MFSD12: variants seen among roughly 807,000 people sequenced by gnomAD.
MFSD12 encodes major facilitator superfamily domain containing 12.
A neutral mutation model predicts 51.2 loss-of-function variants in MFSD12; 67 were observed. The ratio of observed to expected loss-of-function variants is 1.31; its 90% CI spans 1.08 to 1.60. MFSD12 has a LOEUF of 1.60. MFSD12 is among the 40% of genes most tolerant of loss of function. The probability of loss-of-function intolerance (pLI) is 0.00; values close to 1 mark genes in which losing one functional copy is unlikely to be tolerated. For missense variants in MFSD12, 921 were observed against 673.0 expected, an observed-to-expected ratio of 1.37 and a Z score of -4.08; for synonymous variants, 441 against 316.7, an observed-to-expected ratio of 1.39 and a Z score of -4.17.
At chr19:3,546,549 CCTGGCT>C (rs1599826685) in intron 6 of MFSD12, 124 bp from the exon 7 acceptor site, 3 of 1,190,088 alleles carry the variant, frequency 2.5e-6, no homozygotes, top group East Asian at 2.6e-5. Flanking sequence ...CCTAAGGAGC[CCTGGCT>C]CTGGCCCTGG....
rs1438135198 is a variant in MFSD12, at chr19:3,551,228, T to C, written c.299-34A>G. 2 of 1,518,754 alleles carry C rather than the reference T, an allele frequency of 1.3e-6. No homozygotes were observed. The highest frequency in any genetic ancestry group is 1.8e-6 in the Non-Finnish European group (2 of 1,123,194). The allele number at this position is 1,518,754 out of a possible 1,614,324, so 94.1% of individuals were successfully genotyped here. A position where few individuals can be genotyped will look rare whatever the true frequency, so the allele number is the denominator to read the frequency against. On this transcript the variant is annotated intron_variant, in intron 1 of 9. Transcript: ENST00000355415. The surrounding 1 kb of genome is among the most constrained non-coding windows in gnomAD (Gnocchi z 4.6). Reference sequence around the variant, plus strand: ...GGCAGAGTGGTCAGTCGCGGGGCTGTCCCGCACCAGCCAGGGCTCCCAGGG... The same window carrying C: ...GGCAGAGTGGTCAGTCGCGGGGCTGCCCCGCACCAGCCAGGGCTCCCAGGG...
chr19:3,542,123 TTTAA>T, downstream of MFSD12: 5 of 985,308 alleles, frequency 5.1e-6, no homozygotes, highest in Non-Finnish European at 6.0e-6. Context: ...TTTGTGCTGT[TTTAA>T]TTGTGTTTTA....
rs141151716 is a variant in MFSD12, at chr19:3,551,465, C to A, written c.299-271G>T. Among the ~76,000 whole-genome samples the A allele has an allele frequency of 3.1e-4, 47 of 152,280 alleles. No individual in the cohort carries two copies. Among genetic ancestry groups the A allele is most frequent in the Admixed American group, 2.5e-3 (39 of 15,308 alleles). ...GGGGGTCCCCCGGAAACCTGCCCCC[C>A]ACAGGTGCCCCGGTTACAGCCGCAG... On this transcript the variant is annotated intron_variant, in intron 1 of 9. Coordinates refer to ENST00000355415, the MANE Select transcript of MFSD12 (RefSeq NM_174983.5). The surrounding 1 kb of genome is among the most constrained non-coding windows in gnomAD (Gnocchi z 4.6).
At chr19:3,552,467 CTTTTTTTTTTT>C (rs397859575) in intron 1 of MFSD12, among the ~76,000 whole-genome samples, 11 of 65,222 alleles carry the variant, frequency 1.7e-4, no homozygotes, top group African/African-American at 3.1e-4. Flanking sequence ...CGCGCCCCGC[CTTTTTTTTTTT>C]TTTTTTTTTT....
chr19:3,551,329 G>A lies in MFSD12; in HGVS notation c.299-135C>T, dbSNP rs1568261072. ...CCCCCGCATGCACACAGTCACGCAGGAGCGAGGGTCTGCAGTCGGGGTCCC... is the reference window on the plus strand; with the variant it reads ...CCCCCGCATGCACACAGTCACGCAGAAGCGAGGGTCTGCAGTCGGGGTCCC... On this transcript the variant is annotated intron_variant, in intron 1 of 9. Transcript: ENST00000355415. The surrounding 1 kb of genome is among the most constrained non-coding windows in gnomAD (Gnocchi z 4.6). 1 of 696,664 alleles carries A rather than the reference G, an allele frequency of 1.4e-6. No individual in the cohort carries two copies. The allele number at this position is 696,664 out of a possible 1,614,324, so 43.2% of individuals were successfully genotyped here. A position where few individuals can be genotyped will look rare whatever the true frequency, so the allele number is the denominator to read the frequency against.
downstream of MFSD12, among the ~76,000 whole-genome samples, chr19:3,541,117 C>G (rs568644678): frequency 1.4e-5 from 2 of 139,344 alleles, no homozygotes; most frequent in Admixed American, 7.4e-5. Context: ...TGCAGTGAGC[C>G]GAGATCAGGC....
At chr19:3,554,341 G>A (rs1599841366) in intron 1 of MFSD12, among the ~76,000 whole-genome samples, 1 of 151,358 alleles carries the variant, frequency 6.6e-6, no homozygotes, top group Admixed American at 6.6e-5. Context: ...GGAGGCTGAC[G>A]CACGAGAATC....
At chr19:3,546,498 C>G in intron 6 of MFSD12, 73 bp from the exon 7 acceptor site, 1 of 1,495,336 alleles carries the variant, frequency 6.7e-7, no homozygotes, top group South Asian at 1.3e-5. Context: ...TCCGCCACCC[C>G]TACCCCCAAC....
chr19:3,553,287 T>C (rs1255544460), intron 1 of MFSD12, among the ~76,000 whole-genome samples: 1 of 152,052 alleles, frequency 6.6e-6, no homozygotes, highest in Non-Finnish European at 1.5e-5. Flanking sequence ...CAAGTGACTG[T>C]GCCTCTCTAG....
chr19:3,538,810 G>C (rs2030111957), intron 4 of MFSD12: 1 of 550,402 alleles, frequency 1.8e-6, no homozygotes, highest in Non-Finnish European at 3.6e-6. Context: ...GTGAGGAGCT[G>C]GGGTGACAGG....
At chr19:3,539,166 A>G in intron 4 of MFSD12, 1 of 1,543,972 alleles carries the variant, frequency 6.5e-7, no homozygotes, top group Non-Finnish European at 8.8e-7. Flanking sequence ...AGCCCGGGGG[A>G]TCCAGGCAGA....
chr19:3,538,949 G>T, intron 4 of MFSD12: 1 of 643,454 alleles, frequency 1.6e-6, no homozygotes, highest in Non-Finnish European at 2.8e-6. Flanking sequence ...TGGGGGCTCA[G>T]GGCCACGGAC....
downstream of MFSD12, among the ~76,000 whole-genome samples, chr19:3,540,488 C>A (rs2030293118): frequency 1.3e-5 from 2 of 151,300 alleles, no homozygotes; most frequent in East Asian, 2.0e-4. Context: ...GATCTCCTGA[C>A]CTCATGATCT....
At position 3,544,827 on chromosome 19, in the gene MFSD12, G is replaced by A. The variant is rs758577285; in HGVS notation, c.1402C>T (p.Pro468Ser). Residue 468 changes from proline to serine, a missense_variant, in exon 9 of 10, where the codon CCG (proline) becomes TCG (serine). Physicochemically the swap from Pro to Ser is moderately conservative, Grantham distance 74. Transcript: ENST00000355415. ...ALCLCSLLLW[P>S]TRLRRWDRDA... ...GACTCACAGCGTCGCAGGCGGGTCGGCCACAGCAGGAGGCTACAGAGACAC... is the reference window on the plus strand; with the variant it reads ...GACTCACAGCGTCGCAGGCGGGTCGACCACAGCAGGAGGCTACAGAGACAC... 1 of 1,612,418 alleles carries A rather than the reference G, an allele frequency of 6.2e-7. No homozygotes were observed. Among genetic ancestry groups the A allele is most frequent in the South Asian group, 1.1e-5 (1 of 91,032 alleles).
At chr19:3,546,755 G>A (rs372745137) in intron 6 of MFSD12, among the ~76,000 whole-genome samples, 13 of 152,338 alleles carry the variant, frequency 8.5e-5, no homozygotes, top group East Asian at 5.8e-4. Context: ...GACAGAAAGC[G>A]CCAGAGCTCC....
At chr19:3,547,016 C>T (rs1350648527) in intron 6 of MFSD12, among the ~76,000 whole-genome samples, 2 of 152,238 alleles carry the variant, frequency 1.3e-5, no homozygotes, top group Admixed American at 6.5e-5. Context: ...GTTTTTGTAT[C>T]TTTAGTAGAG....
chr19:3,551,023 A>G lies in MFSD12; in HGVS notation c.470T>C (p.Val157Ala), dbSNP rs749937948. ...CTCCACCTTCTCATGGTCGTTGGTG[A>G]CGAGCTCCGGGATGAGGCTGAGGTG... ...ISHLSLIPELVTNDHEKVELT... is the reference protein window; with the variant it reads ...ISHLSLIPELATNDHEKVELT... Residue 157 changes from valine to alanine, a missense_variant, in exon 2 of 10, where the codon GTC becomes GCC. Physicochemically the swap from Val to Ala is moderately conservative, Grantham distance 64. Transcript: ENST00000355415. This position sits in a 1 kb window ranked among gnomAD's most constrained non-coding sequence, Gnocchi z 4.6. The G allele has an allele frequency of 3.1e-6, 5 of 1,612,656 alleles. No homozygotes were observed. The highest frequency in any genetic ancestry group is 4.2e-6 in the Non-Finnish European group (5 of 1,179,986).
At position 3,551,060 on chromosome 19, in the gene MFSD12, T is replaced by C; in HGVS notation, c.433A>G (p.Thr145Ala). 1.2e-6 allele frequency: 2 copies of C among 1,612,866 alleles called. No homozygotes were observed. Among genetic ancestry groups the C allele is most frequent in the Non-Finnish European group, 1.7e-6 (2 of 1,179,948 alleles). ...IVIFQFGWAS[T>A]QISHLSLIPE... is the part of the protein sequence containing the mutation. ...ATGAGGCTGAGGTGGGAGATCTGTG[T>C]GGAGGCCCAGCCAAACTGGAAGATC... Residue 145 changes from threonine to alanine, a missense_variant, in exon 2 of 10, where the codon ACA becomes GCA. Coordinates refer to ENST00000355415, the MANE Select transcript of MFSD12 (RefSeq NM_174983.5). This position sits in a 1 kb window ranked among gnomAD's most constrained non-coding sequence, Gnocchi z 4.6.
Position 3,546,139 on chromosome 19 carries a change from C to T in MFSD12, c.1224G>A (p.Met408Ile), listed in dbSNP as rs199934761. 6.2e-7 allele frequency: 1 copy of T among 1,613,176 alleles called. No individual in the cohort carries two copies. The highest frequency in any genetic ancestry group is 8.5e-7 in the Non-Finnish European group (1 of 1,180,018). ...TNSGAFVYGS[M>I]SFLDKVANGL... ...CATTGGCCACCTTATCCAAGAAGCT[C>T]ATGGAGCCGTACACGAACGCTCCGC... The change falls in exon 8 of 10, where the codon ATG becomes ATA. Residue 408 changes from methionine (M) to isoleucine (I), a missense_variant. Transcript: ENST00000355415.
Sources: gnomAD v4.1 joint callset for allele counts (sites outside exome capture counted in the v4.1 genomes callset) on GRCh38, gnomAD v4.1.1 for gene constraint, Gnocchi (gnomAD v3.1) non-coding constraint, MANE v1.5 for transcripts, NCBI Gene and HGNC (gene_info 2026-07-23, HGNC 2026-07-21) for gene names.